Variants in NKTR observed in about 807,000 individuals in gnomAD.
NKTR encodes NK-tumor recognition protein.
A neutral mutation model predicts 156.3 loss-of-function variants in NKTR; 67 were observed. The observed-to-expected ratio is 0.43, with a 90% CI of 0.35 to 0.53. The LOEUF (loss-of-function observed/expected upper bound fraction) is 0.53, where lower values mean the gene tolerates loss of function less well. Among genes scored for constraint, NKTR ranks in the 20% least tolerant of loss-of-function variants. The pLI is 0.01. For missense variants in NKTR, 1,604 were observed against 1,730.9 expected (o/e 0.93, Z 1.30); for synonymous variants, 640 against 596.6 (o/e 1.07, Z -1.06).
At position 42,627,138 on chromosome 3, in the gene NKTR, TC is replaced by T. The variant is rs1419470481; in HGVS notation, c.375-3407del. 5.8e-6 allele frequency: 5 copies of T among 861,188 alleles called. No individual in the cohort carries two copies. The African/African-American group carries it at 9.1e-5, about 16-fold the overall frequency. 53.3% of individuals were successfully genotyped at this position (861,188 alleles called of 1,614,324 possible). The stretch of plus-strand genomic sequence containing the variant: ...GTTATATTGATATTAAAACATAGAT[TC>T]AGTCTTGTCTTAAAAGTGTATTACA... On this transcript the variant is annotated intron_variant, in intron 6 of 16. Coordinates refer to ENST00000232978, the MANE Select transcript of NKTR (RefSeq NM_005385.4).
intron 2 of NKTR, among the ~76,000 whole-genome samples, chr3:42,606,466 T>C (rs988208370): frequency 1.3e-5 from 2 of 152,126 alleles, no homozygotes; most frequent in Admixed American, 1.3e-4. Context: ...TATTTAGGTA[T>C]TGTGCAGGTA....
At chr3:42,605,811 A>G (rs1706178390) in intron 2 of NKTR, among the ~76,000 whole-genome samples, 1 of 152,204 alleles carries the variant, frequency 6.6e-6, no homozygotes, top group African/African-American at 2.4e-5. Context: ...AACCTGTTAT[A>G]TTATTAACCT....
chr3:42,608,313 A>G (rs1706434955), intron 2 of NKTR, among the ~76,000 whole-genome samples: 1 of 152,078 alleles, frequency 6.6e-6, no homozygotes, highest in Non-Finnish European at 1.5e-5. Flanking sequence ...TAAATTAGGG[A>G]TTCCTACAAC....
At chr3:42,601,538 C>T (rs1427772335) in intron 2 of NKTR, 3 of 152,424 alleles carry the variant, frequency 2.0e-5, no homozygotes, top group African/African-American at 7.2e-5. Flanking sequence ...TTCGTGGTTC[C>T]TGGGAAAATG....
chr3:42,633,494 C>T, intron 9 of NKTR, 86 bp from the exon 10 acceptor site: 2 of 1,519,470 alleles, frequency 1.3e-6, no homozygotes, highest in Non-Finnish European at 1.8e-6. Context: ...GTTAATTATG[C>T]TGTTGTTTTA....
At position 42,600,911 on chromosome 3, in the gene NKTR, G is replaced by C. The variant is rs1390569150; in HGVS notation, c.-23-73G>C. 4.8e-5 allele frequency: 45 copies of C among 946,352 alleles called. No individual in the cohort carries two copies. In the East Asian group the frequency reaches 1.3e-3, roughly 27 times the overall value. The allele number at this position is 946,352 out of a possible 1,614,324, so 58.6% of individuals were successfully genotyped here. On this transcript the variant is annotated intron_variant, in intron 1 of 16. Coordinates refer to ENST00000232978, the MANE Select transcript of NKTR (RefSeq NM_005385.4). ...GCACCGTGGCGCGGACTTCGTCTCA[G>C]CCCCGCCCTCGCCCCTGCCCTCGCC... is the stretch of plus-strand genomic sequence containing the variant.
intron 2 of NKTR, chr3:42,601,750 C>G (rs1404915690): frequency 1.3e-5 from 2 of 152,034 alleles, no homozygotes; most frequent in African/African-American, 2.4e-5. Flanking sequence ...GTTTTCTTAG[C>G]TTTTTTTGTT....
chr3:42,621,575 A>G (rs1347893346), intron 6 of NKTR, 59 bp downstream of exon 6: 14 of 1,562,110 alleles, frequency 9.0e-6, no homozygotes, highest in Non-Finnish European at 1.2e-5. Flanking sequence ...TGTTCATAAG[A>G]AAGATGGTAT....
rs527409969 is a variant in NKTR, at chr3:42,628,084, G to A, written c.375-2462G>A. The A allele has an allele frequency of 5.1e-6, 5 of 985,390 alleles. No individual in the cohort carries two copies. In the South Asian group the frequency reaches 2.3e-4, roughly 46 times the overall value. The allele number at this position is 985,390 out of a possible 1,614,324, so 61.0% of individuals were successfully genotyped here. ...CTTTACATTGGGATTTCTACTCCTG[G>A]AATGTAGGTTGAGAACCCCAGAGGG... On this transcript the variant is annotated intron_variant, in intron 6 of 16. Transcript: ENST00000232978.
chr3:42,637,683 G>C lies in NKTR; in HGVS notation c.1979G>C (p.Ser660Thr). ...YSLANIKETGSSSSYHKREKN... is the reference protein window; with the variant it reads ...YSLANIKETGTSSSYHKREKN... ...TTAGCAAATATTAAAGAGACTGGTA[G>C]CTCATCATCCTACCATAAAAGAGAA... The change falls in exon 13 of 17, where the codon AGC becomes ACC. Residue 660 changes from serine to threonine, a missense_variant. Ser to Thr is a moderately conservative substitution (Grantham distance 58). Transcript: ENST00000232978. The C allele has an allele frequency of 6.2e-7, 1 of 1,613,970 alleles. No individual in the cohort carries two copies. Among genetic ancestry groups the C allele is most frequent in the Non-Finnish European group, 8.5e-7 (1 of 1,179,988 alleles).
chr3:42,637,742 A>C lies in NKTR; in HGVS notation c.2038A>C (p.Lys680Gln), dbSNP rs760745934. The stretch of plus-strand genomic sequence containing the variant: ...GGAAAGTGATCAGAGCACTTATTCA[A>C]AATACAGTGATAGAAGTTCAGAAAG... ...NSESDQSTYS[K>Q]YSDRSSESSP... The change falls in exon 13 of 17, where the codon AAA (lysine) becomes CAA (glutamine). Residue 680 changes from lysine to glutamine, a missense_variant. Physicochemically the swap from Lys to Gln is moderately conservative, Grantham distance 53. Coordinates refer to ENST00000232978, the MANE Select transcript of NKTR (RefSeq NM_005385.4). 6.2e-7 allele frequency: 1 copy of C among 1,613,970 alleles called. No homozygotes were observed. The highest frequency in any genetic ancestry group is 2.2e-5 in the East Asian group (1 of 44,890).
In NKTR at chr3:42,646,767, A is replaced by G. The variant is rs1408498593; in HGVS notation, c.*792A>G. 6.6e-6 allele frequency: 1 copy of G among 152,646 alleles called. No homozygotes were observed. Among genetic ancestry groups the G allele is most frequent in the Non-Finnish European group, 1.5e-5 (1 of 68,048 alleles). 9.5% of individuals were successfully genotyped at this position (152,646 alleles called of 1,614,324 possible). A position where few individuals can be genotyped will look rare whatever the true frequency, so the allele number is the denominator to read the frequency against. On this transcript the variant is annotated 3_prime_UTR_variant, in exon 17 of 17. Transcript: ENST00000232978. ...GTGCGTCTTTAAGCATTACTCTTATATATCATATATTAAAATACCATAAAA... is the reference window on the plus strand; with the variant it reads ...GTGCGTCTTTAAGCATTACTCTTATGTATCATATATTAAAATACCATAAAA...
chr3:42,601,329 A>G (rs1180302107), intron 2 of NKTR: 8 of 336,578 alleles, frequency 2.4e-5, no homozygotes, highest in East Asian at 4.9e-5. Context: ...TGGCGCCAAG[A>G]AAAGGAGGTG....
Position 42,639,121 on chromosome 3 carries a change from A to G in NKTR, c.3417A>G (p.Pro1139=). Residue 1139 remains proline (P), a synonymous_variant, in exon 13 of 17, where the codon CCA becomes CCG. Transcript: ENST00000232978. The part of the protein sequence containing the change: ...MEICTPDRSS[P]AKVEETSPLG... ...TCTGCACTCCTGATAGGAGTTCCCC[A>G]GCAAAAGTAGAGGAGACTTCCCCTC... 1 of 1,614,208 alleles carries G rather than the reference A, an allele frequency of 6.2e-7. No individual in the cohort carries two copies. The highest frequency in any genetic ancestry group is 8.5e-7 in the Non-Finnish European group (1 of 1,180,024).
rs1164560322 is a variant in NKTR, at chr3:42,639,571, T to C, written c.3867T>C (p.Arg1289=). ...DEVRKTARLN[R]RPRNQESSSD... ...TAAGAAAGACAGCACGCTTAAACCG[T>C]AGACCAAGAAATCAGGAGAGTTCAA... The change falls in exon 13 of 17, where the codon CGT becomes CGC. Residue 1289 remains arginine, a synonymous_variant. Transcript: ENST00000232978. 2.5e-6 allele frequency: 4 copies of C among 1,614,068 alleles called. No homozygotes were observed. Among genetic ancestry groups the C allele is most frequent in the Non-Finnish European group, 3.4e-6 (4 of 1,180,042 alleles).
At chr3:42,635,076 A>G in intron 11 of NKTR, 145 bp from the exon 12 acceptor site, 3 of 475,828 alleles carry the variant, frequency 6.3e-6, no homozygotes, top group Non-Finnish European at 1.0e-5. Context: ...AAAAAAAAAA[A>G]AAGAACTTTA....
At chr3:42,633,364 A>C in intron 9 of NKTR, 1 of 1,327,096 alleles carries the variant, frequency 7.5e-7, no homozygotes, top group Non-Finnish European at 9.6e-7. Context: ...TAAAATAAAA[A>C]AGTTAGGATC....
chr3:42,628,585 T>A, intron 6 of NKTR: 1 of 985,410 alleles, frequency 1.0e-6, no homozygotes, highest in Non-Finnish European at 1.2e-6. Context: ...GCAGGATCTG[T>A]GAGTCATGGG....
At position 42,618,619 on chromosome 3, in the gene NKTR, A is replaced by G. The variant is rs151179294; in HGVS notation, c.134-401A>G. On this transcript the variant is annotated intron_variant, in intron 3 of 16. Coordinates refer to ENST00000232978, the MANE Select transcript of NKTR (RefSeq NM_005385.4). ...GCCACCACACCTGGCTAATTTTTGT[A>G]TTTTTTTTTTTAGAGGCAGAATTTC... Among the ~76,000 whole-genome samples the G allele has an allele frequency of 3.9e-3, 572 of 145,106 alleles. 3 individuals carry two copies. Among genetic ancestry groups the G allele is most frequent in the African/African-American group, 0.014 (552 of 39,888 alleles).
Sources: gnomAD v4.1 joint callset for allele counts (sites outside exome capture counted in the v4.1 genomes callset) on GRCh38, gnomAD v4.1.1 for gene constraint, MANE v1.5 for transcripts, NCBI Gene and HGNC (gene_info 2026-07-23, HGNC 2026-07-21) for gene names.